Variants in ST3GAL5 observed in about 807,000 individuals in gnomAD.
ST3GAL5 encodes the protein ST3 beta-galactoside alpha-2,3-sialyltransferase 5.
Under a neutral mutation model 46.1 loss-of-function variants are expected in ST3GAL5, and 25 were observed. That is an observed-to-expected ratio of 0.54 (90% CI 0.40 to 0.76). The LOEUF (loss-of-function observed/expected upper bound fraction) is 0.76. ST3GAL5 is among the 30% of genes least tolerant of loss of function. The pLI is 0.00. For missense variants in ST3GAL5, 431 were observed against 521.2 expected (o/e 0.83, Z 1.69); for synonymous variants, 182 against 192.7 (o/e 0.94, Z 0.46).
chr2:85,888,722 G>T, intron 1 of ST3GAL5, 102 bp downstream of exon 1: 1 of 952,760 alleles, frequency 1.0e-6, no homozygotes, highest in Non-Finnish European at 1.3e-6. Flanking sequence ...GGGGTTCGAG[G>T]CGGAAACGCC....
intron 2 of ST3GAL5, among the ~76,000 whole-genome samples, chr2:85,862,413 A>G (rs1053671613): frequency 3.9e-5 from 6 of 152,192 alleles, no homozygotes; most frequent in East Asian, 1.9e-4. Flanking sequence ...TGAATTTTCA[A>G]TCTTGAAAAC....
At chr2:85,886,141 C>T (rs1687729374) in intron 1 of ST3GAL5, among the ~76,000 whole-genome samples, 1 of 152,190 alleles carries the variant, frequency 6.6e-6, no homozygotes, top group Non-Finnish European at 1.5e-5. Context: ...AAGGCATACA[C>T]TAGCCAGCCA....
chr2:85,847,647 A>C, intron 4 of ST3GAL5: 1 of 1,309,018 alleles, frequency 7.6e-7, no homozygotes, highest in Non-Finnish European at 9.8e-7. Context: ...AAATATAAAA[A>C]ATTAGCCACG....
chr2:85,883,927 C>T (rs1687476564), intron 1 of ST3GAL5, among the ~76,000 whole-genome samples: 1 of 152,156 alleles, frequency 6.6e-6, no homozygotes, highest in Non-Finnish European at 1.5e-5. Context: ...AGCCCACTCA[C>T]CTGACAGGAT....
chr2:85,840,431 T>A (rs749573017), intron 6 of ST3GAL5, 39 bp from the exon 7 acceptor site: 24 of 1,607,726 alleles, frequency 1.5e-5, no homozygotes, highest in Middle Eastern at 1.7e-4. Context: ...TAAAAAAAAA[T>A]TTTGGCACAA....
chr2:85,868,328 A>T (rs1685510008), intron 1 of ST3GAL5, among the ~76,000 whole-genome samples: 1 of 152,172 alleles, frequency 6.6e-6, no homozygotes, highest in African/African-American at 2.4e-5. Context: ...TTGAGATGGG[A>T]TCTTGCTCTG....
At position 85,840,236 on chromosome 2, in the gene ST3GAL5, G is replaced by C. The variant is rs140151286; in HGVS notation, c.1165C>G (p.His389Asp). ...AACTTGGTTTCCGTTGTCACATTAT[G>C]CATGGTCTGAAAGTTCATAGCAGCC... Reference protein sequence around the residue: ...CMAAMNFQTMHNVTTETKFLL... With the variant: ...CMAAMNFQTMDNVTTETKFLL... The change falls in exon 7 of 7, where the codon CAT (histidine) becomes GAT (aspartate). Residue 389 changes from histidine (H) to aspartate (D), a missense_variant. By Grantham distance (81) the His-to-Asp change is moderately conservative. Coordinates refer to ENST00000638572, the MANE Select transcript of ST3GAL5 (RefSeq NM_003896.4). 1.9e-6 allele frequency: 3 copies of C among 1,614,046 alleles called. No homozygotes were observed. The African/African-American group carries it at 4.0e-5, about 22-fold the overall frequency.
intron 1 of ST3GAL5, chr2:85,880,968 C>G (rs1481275140): frequency 2.0e-6 from 1 of 508,932 alleles, no homozygotes; most frequent in Admixed American, 2.0e-5. Flanking sequence ...TGGCTCTGTC[C>G]CCACCCAAAT....
intron 1 of ST3GAL5, among the ~76,000 whole-genome samples, chr2:85,885,689 G>A (rs1405150043): frequency 2.0e-5 from 3 of 152,102 alleles, no homozygotes; most frequent in Non-Finnish European, 4.4e-5. Flanking sequence ...TTAGCCGGGC[G>A]AGGTGGCAGG....
At chr2:85,874,300 T>C (rs185114215) in intron 1 of ST3GAL5, among the ~76,000 whole-genome samples, 1 of 152,156 alleles carries the variant, frequency 6.6e-6, no homozygotes, top group Non-Finnish European at 1.5e-5. Context: ...TATATGAACA[T>C]TCTCTAAAAC....
intron 3 of ST3GAL5, chr2:85,853,492 G>A (rs1378469052): frequency 1.1e-5 from 2 of 180,604 alleles, no homozygotes; most frequent in South Asian, 2.3e-4. Flanking sequence ...ACCTTCTTCT[G>A]CCCATATACA....
intron 3 of ST3GAL5, chr2:85,851,801 T>C (rs1683543529): frequency 9.5e-7 from 1 of 1,056,668 alleles, no homozygotes. Flanking sequence ...GTGGCATTCA[T>C]CCAGATGAGG....
intron 1 of ST3GAL5, 57 bp from the exon 2 acceptor site, chr2:85,863,542 T>C (rs766933823): frequency 7.5e-6 from 12 of 1,596,696 alleles, no homozygotes; most frequent in Non-Finnish European, 1.0e-5. Flanking sequence ...GTTAGGAGGA[T>C]GGATTATGGT....
Position 85,874,465 on chromosome 2 carries a change from G to A in ST3GAL5, c.83-10980C>T, listed in dbSNP as rs137894294. Among the ~76,000 whole-genome samples, 138 of 152,110 alleles carry A rather than the reference G, an allele frequency of 9.1e-4. 1 individual carries two copies. The highest frequency in any genetic ancestry group is 3.0e-3 in the African/African-American group (125 of 41,478). ...TGTCAACCAAGGGGGCCTCGTGCTC[G>A]ACTTGCCCTTCCTCTGCTGCCTCTC... is the stretch of plus-strand genomic sequence containing the variant. On this transcript the variant is annotated intron_variant, in intron 1 of 6. Coordinates refer to ENST00000638572, the MANE Select transcript of ST3GAL5 (RefSeq NM_003896.4).
At chr2:85,872,053 A>T (rs1685983763) in intron 1 of ST3GAL5, among the ~76,000 whole-genome samples, 1 of 152,146 alleles carries the variant, frequency 6.6e-6, no homozygotes, top group African/African-American at 2.4e-5. Flanking sequence ...GTGGGCGACA[A>T]GGCAGGATCC....
chr2:85,861,963 A>C, intron 2 of ST3GAL5, among the ~76,000 whole-genome samples: 1 of 152,174 alleles, frequency 6.6e-6, no homozygotes, highest in African/African-American at 2.4e-5. Flanking sequence ...CACTGCTTTA[A>C]ACAATTCTGT....
At chr2:85,873,141 TC>T (rs1686140702) in intron 1 of ST3GAL5, among the ~76,000 whole-genome samples, 1 of 151,960 alleles carries the variant, frequency 6.6e-6, no homozygotes, top group Non-Finnish European at 1.5e-5. Context: ...AACACGGGTG[TC>T]CCCTTCTCTG....
chr2:85,863,598 C>T lies in ST3GAL5; in HGVS notation c.83-113G>A, dbSNP rs1041381805. Reference sequence around the variant, plus strand: ...TTGCATCCATACCATGGAATAGTAACTGGCAATAAAGAAGAATGAACTGTT... The same window carrying T: ...TTGCATCCATACCATGGAATAGTAATTGGCAATAAAGAAGAATGAACTGTT... On this transcript the variant is annotated intron_variant, in intron 1 of 6. Transcript: ENST00000638572. 16 of 1,189,250 alleles carry T rather than the reference C, an allele frequency of 1.3e-5. No homozygotes were observed. The African/African-American group carries it at 2.3e-4, about 17-fold the overall frequency. 73.7% of individuals were successfully genotyped at this position (1,189,250 alleles called of 1,614,324 possible).
intron 1 of ST3GAL5, among the ~76,000 whole-genome samples, chr2:85,873,475 G>T (rs1487223117): frequency 6.6e-6 from 1 of 152,126 alleles, no homozygotes; most frequent in East Asian, 1.9e-4. Context: ...GGGGACAAGG[G>T]AGGAGGGAGG....
Sources: gnomAD v4.1 joint callset for allele counts (sites outside exome capture counted in the v4.1 genomes callset) on GRCh38, gnomAD v4.1.1 for gene constraint, MANE v1.5 for transcripts, NCBI Gene and HGNC (gene_info 2026-07-23, HGNC 2026-07-21) for gene names.